Variants in ZBTB20 observed in about 807,000 individuals in gnomAD.
ZBTB20 encodes zinc finger and BTB domain-containing protein 20.
Under a neutral mutation model 56.9 loss-of-function variants are expected in ZBTB20, and 9 were observed. That is an observed-to-expected ratio of 0.16 (90% CI 0.10 to 0.28). The LOEUF (loss-of-function observed/expected upper bound fraction) is 0.28. Among genes scored for constraint, ZBTB20 ranks in the 10% least tolerant of loss-of-function variants. The pLI is 1.00. For missense variants in ZBTB20, 655 were observed against 1,003.0 expected, an observed-to-expected ratio of 0.65 and a Z score of 4.69; for synonymous variants, 417 against 420.7, an observed-to-expected ratio of 0.99 and a Z score of 0.11.
intron 6 of ZBTB20, chr3:114,687,576 T>C (rs1337477364): frequency 1.9e-5 from 1 of 51,934 alleles, no homozygotes; most frequent in African/African-American, 8.0e-5. Flanking sequence ...TTAAGGAAAA[T>C]AAATAGGTAA....
At chr3:114,795,722 T>C (rs2071298076) in intron 5 of ZBTB20, among the ~76,000 whole-genome samples, 1 of 152,116 alleles carries the variant, frequency 6.6e-6, no homozygotes, top group Admixed American at 6.6e-5. Context: ...GGACCACAGC[T>C]TGTAATGTTG....
chr3:114,856,000 G>A (rs1280195659), intron 4 of ZBTB20, among the ~76,000 whole-genome samples: 1 of 152,114 alleles, frequency 6.6e-6, no homozygotes, highest in African/African-American at 2.4e-5. Context: ...TATAGAGAGT[G>A]AAAAACACCC....
chr3:115,002,603 T>C (rs1444393207), intron 2 of ZBTB20, among the ~76,000 whole-genome samples: 1 of 151,540 alleles, frequency 6.6e-6, no homozygotes, highest in East Asian at 2.0e-4. Flanking sequence ...CAACATAATA[T>C]GCCATTAGAG....
At chr3:115,030,620 C>T (rs1260154662) in intron 2 of ZBTB20, among the ~76,000 whole-genome samples, 1 of 150,920 alleles carries the variant, frequency 6.6e-6, no homozygotes, top group Admixed American at 6.6e-5. Flanking sequence ...AGGCATCAAA[C>T]TGTATAAGAA....
intron 3 of ZBTB20, among the ~76,000 whole-genome samples, chr3:114,963,294 T>A (rs1476269603): frequency 6.6e-6 from 1 of 152,136 alleles, no homozygotes; most frequent in East Asian, 1.9e-4. Context: ...AGAGTTGGTG[T>A]CTCTGTTTAC....
At chr3:114,476,629 C>T (rs140795145) in intron 7 of ZBTB20, among the ~76,000 whole-genome samples, 7 of 152,264 alleles carry the variant, frequency 4.6e-5, no homozygotes, top group Non-Finnish European at 7.4e-5. Context: ...AATGAACCCA[C>T]TCTCATGATA....
chr3:114,750,262 C>G (rs553055404), intron 5 of ZBTB20, among the ~76,000 whole-genome samples: 1 of 152,172 alleles, frequency 6.6e-6, no homozygotes, highest in South Asian at 2.1e-4. Flanking sequence ...ACAGCAAGTA[C>G]CAAGTCAAAG....
At chr3:114,485,302 G>A (rs1453378960) in intron 7 of ZBTB20, among the ~76,000 whole-genome samples, 1 of 152,234 alleles carries the variant, frequency 6.6e-6, no homozygotes, top group Non-Finnish European at 1.5e-5. Context: ...TAGAGTGCAT[G>A]TTTTTTATTC....
chr3:114,989,832 G>A (rs1259874415), intron 2 of ZBTB20, among the ~76,000 whole-genome samples: 1 of 152,074 alleles, frequency 6.6e-6, no homozygotes, highest in Non-Finnish European at 1.5e-5. Context: ...CTTGTAAGTT[G>A]GATTCCTAGG....
intron 6 of ZBTB20, among the ~76,000 whole-genome samples, chr3:114,561,314 G>A (rs1483565859): frequency 6.6e-6 from 1 of 152,138 alleles, no homozygotes. Flanking sequence ...TGTTCTTTAT[G>A]ACATCGAGAA....
At chr3:114,759,460 T>C (rs1295810686) in intron 5 of ZBTB20, among the ~76,000 whole-genome samples, 1 of 152,160 alleles carries the variant, frequency 6.6e-6, no homozygotes, top group African/African-American at 2.4e-5. Context: ...TCCTCCACTT[T>C]ATCTGCTAGG....
intron 4 of ZBTB20, among the ~76,000 whole-genome samples, chr3:114,802,004 C>T (rs1056736553): frequency 3.3e-5 from 5 of 151,674 alleles, no homozygotes; most frequent in Non-Finnish European, 7.4e-5. Flanking sequence ...TCATTTCTTT[C>T]TTCAAACAAC....
chr3:114,637,712 A>G (rs936967497), intron 6 of ZBTB20, among the ~76,000 whole-genome samples: 1 of 152,126 alleles, frequency 6.6e-6, no homozygotes, highest in East Asian at 1.9e-4. Flanking sequence ...TAAGATACAA[A>G]TAAGACTTAT....
At chr3:115,141,253 C>T (rs2084804475) in intron 1 of ZBTB20, among the ~76,000 whole-genome samples, 1 of 152,156 alleles carries the variant, frequency 6.6e-6, no homozygotes, top group Non-Finnish European at 1.5e-5. Flanking sequence ...AAGTTTCTCA[C>T]CAATCTGCTG....
intron 6 of ZBTB20, among the ~76,000 whole-genome samples, chr3:114,547,441 A>G (rs530036094): frequency 2.0e-5 from 3 of 152,332 alleles, no homozygotes; most frequent in South Asian, 2.1e-4. Context: ...GAGAACTGGC[A>G]GAATTTAGTG....
intron 7 of ZBTB20, among the ~76,000 whole-genome samples, chr3:114,449,225 C>T (rs1315929983): frequency 1.3e-5 from 2 of 152,104 alleles, no homozygotes; most frequent in African/African-American, 2.4e-5. Context: ...TCTCAAAAAA[C>T]GGCTAATTGG....
intron 1 of ZBTB20, among the ~76,000 whole-genome samples, chr3:115,125,224 T>C (rs2084293477): frequency 6.6e-6 from 1 of 151,852 alleles, no homozygotes; most frequent in African/African-American, 2.4e-5. Flanking sequence ...GCGCCTGTAG[T>C]CCCAGCTACG....
chr3:114,692,540 T>C (rs2108320725), intron 6 of ZBTB20, among the ~76,000 whole-genome samples: 1 of 152,278 alleles, frequency 6.6e-6, no homozygotes, highest in Non-Finnish European at 1.5e-5. Context: ...TTTGGATGAA[T>C]ATGATGTTCA....
chr3:114,755,199 A>C (rs563803131), intron 5 of ZBTB20, among the ~76,000 whole-genome samples: 1 of 152,294 alleles, frequency 6.6e-6, no homozygotes, highest in East Asian at 1.9e-4. Context: ...TAATATAATA[A>C]TAAATCTATA....
Sources: gnomAD v4.1 joint callset for allele counts (sites outside exome capture counted in the v4.1 genomes callset) on GRCh38, gnomAD v4.1.1 for gene constraint, MANE v1.5 for transcripts, NCBI Gene and HGNC (gene_info 2026-07-23, HGNC 2026-07-21) for gene names.